A4GNT: variants seen among roughly 807,000 people sequenced by gnomAD.
A4GNT encodes alpha-1,4-N-acetylglucosaminyltransferase.
Under a neutral mutation model 8.3 loss-of-function variants are expected in A4GNT, and 6 were observed. The ratio of observed to expected loss-of-function variants is 0.72; its 90% confidence interval spans 0.39 to 1.42. A4GNT has a LOEUF of 1.42. Ranked by LOEUF, A4GNT falls within the 40% of genes most tolerant of loss-of-function variation. A4GNT has a pLI of 0.02. For synonymous variants in A4GNT, 157 were observed against 159.8 expected (o/e 0.98, Z 0.13); for missense variants, 377 against 417.0 (o/e 0.90, Z 0.84).
chr3:138,131,961 A>C (rs556287872), intron 1 of A4GNT, among the ~76,000 whole-genome samples: 1 of 152,350 alleles, frequency 6.6e-6, no homozygotes, highest in African/African-American at 2.4e-5. Flanking sequence ...TTACAATCTG[A>C]TAATTGTAAC....
intron 2 of A4GNT, among the ~76,000 whole-genome samples, chr3:138,126,975 C>CA (rs1366544970): frequency 5.5e-5 from 8 of 146,504 alleles, no homozygotes; most frequent in African/African-American, 1.5e-4. Context: ...ACTAAAAATC[C>CA]AAAAAAAATA....
rs764244115 is a variant in A4GNT, at chr3:138,124,370, G to A, written c.917C>T (p.Thr306Ile). Residue 306 changes from threonine to isoleucine, a missense_variant, in exon 3 of 3, where the codon ACA (threonine) becomes ATA (isoleucine). Transcript: ENST00000236709. ...CTTGCGATAGAGATTTTCCACCAGT[G>A]TGTTGCTTCCTCTAATCACAGCCCG... ...EGRAVIRGSN[T>I]LVENLYRKHC... The A allele has an allele frequency of 6.2e-6, 10 of 1,614,202 alleles. No homozygotes were observed. Among genetic ancestry groups the A allele is most frequent in the South Asian group, 1.1e-5 (1 of 91,084 alleles).
intron 2 of A4GNT, 28 bp downstream of exon 2, chr3:138,130,821 G>A (rs1362800882): frequency 6.2e-7 from 1 of 1,604,688 alleles, no homozygotes; most frequent in Non-Finnish European, 8.5e-7. Context: ...ACAATTCGTT[G>A]ACATTTTAAG....
Position 138,124,300 on chromosome 3 carries a change from C to A in A4GNT, c.987G>T (p.Gly329=). 1.2e-6 allele frequency: 2 copies of A among 1,614,118 alleles called. No homozygotes were observed. Among genetic ancestry groups the A allele is most frequent in the Non-Finnish European group, 1.7e-6 (2 of 1,179,994 alleles). ...CTGGACCCAGCTCCCCAGTCACTGACCCCTCTGGGCCTTTAATCAGGTCCC... is the reference window on the plus strand; with the variant it reads ...CTGGACCCAGCTCCCCAGTCACTGAACCCTCTGGGCCTTTAATCAGGTCCC... The part of the protein sequence containing the change: ...TYRDLIKGPE[G]SVTGELGPGN... Residue 329 remains glycine, a synonymous_variant, in exon 3 of 3, where the codon GGG becomes GGT. Transcript: ENST00000236709.
At chr3:138,127,523 G>A (rs1383869778) in intron 2 of A4GNT, among the ~76,000 whole-genome samples, 1 of 150,780 alleles carries the variant, frequency 6.6e-6, no homozygotes, top group Admixed American at 6.6e-5. Flanking sequence ...GTAGTGAGCC[G>A]AGATCACGCC....
chr3:138,130,099 A>G (rs1450903734), intron 2 of A4GNT, among the ~76,000 whole-genome samples: 1 of 151,018 alleles, frequency 6.6e-6, no homozygotes, highest in African/African-American at 2.4e-5. Flanking sequence ...TTTTTTTTTC[A>G]ATAGATGTGT....
chr3:138,131,311 C>T (rs2042776079), intron 1 of A4GNT, 29 bp from the exon 2 acceptor site: 1 of 1,421,988 alleles, frequency 7.0e-7, no homozygotes, highest in Non-Finnish European at 9.3e-7. Context: ...AATTAAAAAT[C>T]ACAGCTGCAA....
chr3:138,128,310 A>G (rs1442105433), intron 2 of A4GNT, among the ~76,000 whole-genome samples: 2 of 152,156 alleles, frequency 1.3e-5, no homozygotes, highest in African/African-American at 4.8e-5. Context: ...TTTATAAAGA[A>G]AAGAGGTTTG....
chr3:138,130,884 G>A lies in A4GNT; in HGVS notation c.373C>T (p.Leu125Phe). ...FLFPLDMKRL[L>F]EDTPLFSWYN... ...CATGAAAACAATGGTGTGTCTTCAA[G>A]CAGCCTTTTCATATCCAAAGGGAAG... is the stretch of plus-strand genomic sequence containing the variant. Residue 125 changes from leucine (L) to phenylalanine (F), a missense_variant, in exon 2 of 3, where the codon CTT becomes TTT. Transcript: ENST00000236709. 2 of 1,614,090 alleles carry A rather than the reference G, an allele frequency of 1.2e-6. No homozygotes were observed. Among genetic ancestry groups the A allele is most frequent in the Non-Finnish European group, 1.7e-6 (2 of 1,180,026 alleles).
intron 2 of A4GNT, among the ~76,000 whole-genome samples, chr3:138,128,325 G>A (rs2042757640): frequency 1.3e-5 from 2 of 152,088 alleles, no homozygotes; most frequent in Non-Finnish European, 2.9e-5. Flanking sequence ...GGTTTGATTG[G>A]CTCACGGTTC....
intron 2 of A4GNT, among the ~76,000 whole-genome samples, chr3:138,128,489 C>G (rs903173151): frequency 6.6e-6 from 1 of 151,824 alleles, no homozygotes; most frequent in African/African-American, 2.4e-5. Context: ...GGGGTAGGTG[C>G]CACACACTTT....
At chr3:138,128,901 C>A (rs1238606356) in intron 2 of A4GNT, among the ~76,000 whole-genome samples, 1 of 152,078 alleles carries the variant, frequency 6.6e-6, no homozygotes, top group Non-Finnish European at 1.5e-5. Flanking sequence ...ACTGCCCCAC[C>A]TCCTCCTGAT....
At position 138,124,153 on chromosome 3, in the gene A4GNT, A is replaced by C. The variant is rs2042730043; in HGVS notation, c.*111T>G. On this transcript the variant is annotated 3_prime_UTR_variant, in exon 3 of 3. Coordinates refer to ENST00000236709, the MANE Select transcript of A4GNT (RefSeq NM_016161.3). ...GAAAGCTAATCCTAACTGACATTTG[A>C]GAGGCAACCCTCTGCCCACCCCGCC... is the stretch of plus-strand genomic sequence containing the variant. 2 of 1,419,608 alleles carry C rather than the reference A, an allele frequency of 1.4e-6. No homozygotes were observed. Among genetic ancestry groups the C allele is most frequent in the East Asian group, 4.6e-5 (2 of 43,560 alleles). 87.9% of individuals were successfully genotyped at this position (1,419,608 alleles called of 1,614,324 possible).
In A4GNT at chr3:138,131,010, C is replaced by T. The variant is rs540482278; in HGVS notation, c.247G>A (p.Val83Met). 1 of 1,614,024 alleles carries T rather than the reference C, an allele frequency of 6.2e-7. No individual in the cohort carries two copies. Among genetic ancestry groups the T allele is most frequent in the Non-Finnish European group, 8.5e-7 (1 of 1,180,034 alleles). The change falls in exon 2 of 3, where the codon GTG (valine) becomes ATG (methionine). Residue 83 changes from valine (V) to methionine (M), a missense_variant. By Grantham distance (21) the Val-to-Met change is conservative. Coordinates refer to ENST00000236709, the MANE Select transcript of A4GNT (RefSeq NM_016161.3). ...GTAAGACCCTTCATAAAGAACACCA[C>T]AGGCCACTCAGGATAAATCTTGGCA... ...SAAKIYPEWP[V>M]VFFMKGLTDS... is the part of the protein sequence containing the mutation.
chr3:138,131,225 A>G lies in A4GNT; in HGVS notation c.32T>C (p.Val11Ala). The change falls in exon 2 of 3, where the codon GTC (valine) becomes GCC (alanine). Residue 11 changes from valine (V) to alanine (A), a missense_variant. Coordinates refer to ENST00000236709, the MANE Select transcript of A4GNT (RefSeq NM_016161.3). MRKELQLSLS[V>A]TLLLVCGFLY... ...GAAGCCACAGACAAGCAGCAAGGTG[A>G]CTGACAGGGAGAGCTGGAGCTCCTT... The G allele has an allele frequency of 6.3e-7, 1 of 1,599,352 alleles. No individual in the cohort carries two copies. The highest frequency in any genetic ancestry group is 1.1e-5 in the South Asian group (1 of 90,590).
chr3:138,131,328 A>G (rs547276353), intron 1 of A4GNT, 46 bp from the exon 2 acceptor site: 1 of 1,396,848 alleles, frequency 7.2e-7, no homozygotes, highest in East Asian at 2.4e-5. Context: ...GCAAAACCTG[A>G]CAAAGATAGC....
chr3:138,131,177 G>A lies in A4GNT; in HGVS notation c.80C>T (p.Ser27Phe). The A allele has an allele frequency of 6.2e-7, 1 of 1,613,328 alleles. No homozygotes were observed. The highest frequency in any genetic ancestry group is 8.5e-7 in the Non-Finnish European group (1 of 1,179,460). ...AGAAGGCAAACAGAAGAGGCAGCTG[G>A]ACTTCAGGGTGAACTGGTAGAGGAA... ...CGFLYQFTLK[S>F]SCLFCLPSFK... Residue 27 changes from serine (S) to phenylalanine (F), a missense_variant, in exon 2 of 3, where the codon TCC (serine) becomes TTC (phenylalanine). Transcript: ENST00000236709.
At chr3:138,130,508 A>G (rs947287767) in intron 2 of A4GNT, among the ~76,000 whole-genome samples, 1 of 151,604 alleles carries the variant, frequency 6.6e-6, no homozygotes, top group Non-Finnish European at 1.5e-5. Flanking sequence ...CTTTAGGTGA[A>G]AAAAAAAATA....
chr3:138,132,721 A>G (rs1227252078), upstream of A4GNT, among the ~76,000 whole-genome samples: 3 of 152,228 alleles, frequency 2.0e-5, no homozygotes, highest in Non-Finnish European at 4.4e-5. Context: ...AAAATTATGG[A>G]CAGAGACCCT....
Sources: allele counts gnomAD v4.1 joint callset (sites outside exome capture counted in the v4.1 genomes callset), GRCh38; gene constraint gnomAD v4.1.1; transcripts MANE v1.5; gene names NCBI Gene and HGNC (gene_info 2026-07-23, HGNC 2026-07-21).